DDX31: variants seen among roughly 807,000 people sequenced by gnomAD.
The protein encoded by DDX31 is ATP-dependent DNA helicase DDX31.
Under a neutral mutation model 91.3 loss-of-function variants are expected in DDX31, and 70 were observed. That is an observed-to-expected ratio of 0.77 (90% CI 0.63 to 0.94). DDX31 has a LOEUF of 0.94. Ranked by LOEUF, DDX31 falls within the 40% of genes least tolerant of loss-of-function variation. The pLI is 0.00. For missense variants in DDX31, 902 were observed against 925.0 expected (o/e 0.98, Z 0.32); for synonymous variants, 362 against 350.6 (o/e 1.03, Z -0.36).
At chr9:132,645,781 T>C in intron 13 of DDX31, 114 bp downstream of exon 13, 1 of 1,194,450 alleles carries the variant, frequency 8.4e-7, no homozygotes, top group Non-Finnish European at 1.1e-6. Context: ...CAGTGGAGTG[T>C]GCAAGGGTCG....
chr9:132,610,633 A>G (rs1302164366), intron 19 of DDX31, among the ~76,000 whole-genome samples: 2 of 142,658 alleles, frequency 1.4e-5, no homozygotes, highest in African/African-American at 4.9e-5. Flanking sequence ...AAGTCACCTC[A>G]TCTTTTTTTT....
chr9:132,623,086 C>A (rs1409641014), intron 17 of DDX31, among the ~76,000 whole-genome samples: 3 of 150,308 alleles, frequency 2.0e-5, no homozygotes, highest in African/African-American at 7.4e-5. Context: ...GCTGAGGTCA[C>A]GCCAGTGCAT....
At chr9:132,661,847 A>T (rs1033992147) in intron 3 of DDX31, among the ~76,000 whole-genome samples, 1 of 152,206 alleles carries the variant, frequency 6.6e-6, no homozygotes, top group Non-Finnish European at 1.5e-5. Context: ...GTCCTTTAAC[A>T]GCAAGATGCC....
intron 4 of DDX31, among the ~76,000 whole-genome samples, chr9:132,660,246 A>G (rs1717043459): frequency 6.6e-6 from 1 of 151,882 alleles, no homozygotes; most frequent in Admixed American, 6.6e-5. Flanking sequence ...GAGGCAGGAG[A>G]ATCGCTTGAA....
Position 132,594,962 on chromosome 9 carries a change from C to T in DDX31, c.2145G>A (p.Leu715=). ...CACGGCCAAAGCAGGGTGTCGGCTG[C>T]AGACTGTGCTGCAGGGGCCGGCCAC... ...EPGGRPLQHS[L]QPTPCFGRGK... is the part of the protein sequence containing the mutation. Residue 715 remains leucine (L), a synonymous_variant, in exon 20 of 20, where the codon CTG becomes CTA. Transcript: ENST00000372159. 6.2e-7 allele frequency: 1 copy of T among 1,614,176 alleles called. No homozygotes were observed. Among genetic ancestry groups the T allele is most frequent in the Non-Finnish European group, 8.5e-7 (1 of 1,180,046 alleles).
chr9:132,667,367 G>A (rs904232791), intron 1 of DDX31, among the ~76,000 whole-genome samples: 4 of 151,816 alleles, frequency 2.6e-5, no homozygotes, highest in Non-Finnish European at 4.4e-5. Flanking sequence ...GTGGGAGGCC[G>A]AGGTGGGCAG....
chr9:132,638,422 T>C (rs944055419), intron 14 of DDX31: 7 of 1,611,974 alleles, frequency 4.3e-6, no homozygotes, highest in South Asian at 1.1e-5. Flanking sequence ...TCTGATCCCT[T>C]TGATTGCTTA....
intron 7 of DDX31, among the ~76,000 whole-genome samples, chr9:132,651,427 G>GT (rs1211810492): frequency 6.6e-6 from 1 of 152,106 alleles, no homozygotes; most frequent in Non-Finnish European, 1.5e-5. Context: ...GCACAAAAAC[G>GT]TAAGAGAATG....
In DDX31 at chr9:132,654,945, CA is replaced by C. The variant is rs140953433; in HGVS notation, c.589-2454del. ...AGGGCAACAGAGCGAGACTCTGTCT[CA>C]AAAAAAAAAAAAAAAAAAGAAGAAG... On this transcript the variant is annotated intron_variant, in intron 6 of 19. Coordinates refer to ENST00000372159, the MANE Select transcript of DDX31 (RefSeq NM_022779.9). Among the ~76,000 whole-genome samples the C allele has an allele frequency of 7.6e-3, 689 of 90,214 alleles. 3 individuals are homozygous for C. The highest frequency in any genetic ancestry group is 0.027 in the South Asian group (68 of 2,488). 59.2% of individuals were successfully genotyped at this position (90,214 alleles called of 152,430 possible).
intron 14 of DDX31, among the ~76,000 whole-genome samples, chr9:132,635,394 T>C (rs548599153): frequency 6.6e-6 from 1 of 151,672 alleles, no homozygotes; most frequent in Non-Finnish European, 1.5e-5. Context: ...GGGATACTTT[T>C]GTAAAAACAG....
chr9:132,659,979 CT>C (rs2130834735), intron 4 of DDX31, among the ~76,000 whole-genome samples, 199 bp from the exon 5 acceptor site: 1 of 152,272 alleles, frequency 6.6e-6, no homozygotes, highest in South Asian at 2.1e-4. Flanking sequence ...ATTTTTAGAA[CT>C]TAGCCTGAAA....
intron 18 of DDX31, 87 bp from the exon 19 acceptor site, chr9:132,612,342 C>T (rs1159590265): frequency 1.3e-6 from 2 of 1,486,554 alleles, no homozygotes; most frequent in Non-Finnish European, 9.3e-7. Flanking sequence ...ATCTTCTGTA[C>T]TTTATCTTGC....
At chr9:132,631,410 G>C (rs1056550829) in intron 15 of DDX31, among the ~76,000 whole-genome samples, 2 of 152,166 alleles carry the variant, frequency 1.3e-5, no homozygotes, top group East Asian at 3.8e-4. Context: ...TCTGCAGTGA[G>C]CAGATCAGAC....
intron 14 of DDX31, among the ~76,000 whole-genome samples, chr9:132,639,139 C>T (rs1028416095): frequency 1.3e-5 from 2 of 152,166 alleles, no homozygotes; most frequent in African/African-American, 2.4e-5. Flanking sequence ...TCTCCCCCGA[C>T]CCAGGCATGA....
At chr9:132,638,274 G>T (rs1833249900) in intron 14 of DDX31, 1 of 1,605,236 alleles carries the variant, frequency 6.2e-7, no homozygotes, top group South Asian at 1.1e-5. Context: ...CCATTTTCCG[G>T]CCATTCGGTG....
chr9:132,647,153 T>C (rs1833894362), intron 11 of DDX31, 95 bp from the exon 12 acceptor site: 2 of 1,089,950 alleles, frequency 1.8e-6, no homozygotes, highest in South Asian at 2.8e-5. Flanking sequence ...CCATGTATGT[T>C]AGGACTACGT....
chr9:132,662,602 T>A lies in DDX31; in HGVS notation c.169A>T (p.Thr57Ser). The A allele has an allele frequency of 6.2e-7, 1 of 1,614,230 alleles. No homozygotes were observed. The highest frequency in any genetic ancestry group is 8.5e-7 in the Non-Finnish European group (1 of 1,180,036). ...NETSFLPAKKTSVKETQRTFK... is the reference protein window; with the variant it reads ...NETSFLPAKKSSVKETQRTFK... ...GTCCTCTGAGTTTCTTTAACACTAGTTTTCTTGGCTGGGAGAAATGAAGTT... is the reference window on the plus strand; with the variant it reads ...GTCCTCTGAGTTTCTTTAACACTAGATTTCTTGGCTGGGAGAAATGAAGTT... Residue 57 changes from threonine (T) to serine (S), a missense_variant, in exon 2 of 20, where the codon ACT (threonine) becomes TCT (serine). Coordinates refer to ENST00000372159, the MANE Select transcript of DDX31 (RefSeq NM_022779.9).
At chr9:132,611,148 T>C (rs568738940) in intron 19 of DDX31, among the ~76,000 whole-genome samples, 113 of 152,044 alleles carry the variant, frequency 7.4e-4, no homozygotes, top group African/African-American at 2.6e-3. Flanking sequence ...CCAGAGTCAG[T>C]GGGGGAGCCT....
intron 14 of DDX31, chr9:132,638,208 A>G: frequency 6.6e-7 from 1 of 1,508,094 alleles, no homozygotes; most frequent in Non-Finnish European, 8.9e-7. Flanking sequence ...AAGGACAGCC[A>G]CCGGAGACCA....
Sources: allele counts gnomAD v4.1 joint callset (sites outside exome capture counted in the v4.1 genomes callset), GRCh38; gene constraint gnomAD v4.1.1; transcripts MANE v1.5; gene names NCBI Gene and HGNC (gene_info 2026-07-23, HGNC 2026-07-21).